Variants in LRMDA observed in about 807,000 individuals in gnomAD.
LRMDA encodes the protein leucine-rich melanocyte differentiation-associated protein.
A neutral mutation model predicts 29.8 loss-of-function variants in LRMDA; 18 were observed. The observed-to-expected ratio is 0.60, with a 90% CI of 0.42 to 0.90. The LOEUF (loss-of-function observed/expected upper bound fraction) is 0.90, where lower values mean the gene tolerates loss of function less well. Among genes scored for constraint, LRMDA ranks in the 40% least tolerant of loss-of-function variants. The pLI, the probability that LRMDA is intolerant of heterozygous loss-of-function variation, is 0.00. For synonymous variants in LRMDA, 125 were observed against 109.4 expected (o/e 1.14, Z -0.89); for missense variants, 273 against 273.9 (o/e 1.00, Z 0.02).
intron 2 of LRMDA, among the ~76,000 whole-genome samples, chr10:75,771,690 CT>C (rs1843243179): frequency 6.6e-6 from 1 of 151,984 alleles, no homozygotes; most frequent in Non-Finnish European, 1.5e-5. Context: ...CTTGGATGGC[CT>C]TCTGTTTCTG....
At chr10:76,081,079 T>G (rs1344153765) in intron 5 of LRMDA, among the ~76,000 whole-genome samples, 1 of 152,240 alleles carries the variant, frequency 6.6e-6, no homozygotes, top group Non-Finnish European at 1.5e-5. Flanking sequence ...ATATCTGGAA[T>G]GGCCCTGGTG....
intron 2 of LRMDA, among the ~76,000 whole-genome samples, chr10:76,005,787 G>A (rs573128392): frequency 6.6e-6 from 1 of 151,948 alleles, no homozygotes; most frequent in South Asian, 2.1e-4. Context: ...AAAATTAGCC[G>A]AGCTTGGTGG....
chr10:76,457,143 A>G (rs984405653), intron 6 of LRMDA, among the ~76,000 whole-genome samples: 19 of 152,316 alleles, frequency 1.2e-4, no homozygotes, highest in African/African-American at 4.1e-4. Context: ...GTACTTGGCA[A>G]CAGTCTCCCA....
At chr10:75,900,783 C>CA (rs1179307476) in intron 2 of LRMDA, among the ~76,000 whole-genome samples, 2 of 152,164 alleles carry the variant, frequency 1.3e-5, no homozygotes, top group African/African-American at 4.8e-5. Context: ...CCCACCCCCC[C>CA]ACCTTTCTTT....
At chr10:75,649,443 CA>C (rs1841569968) in intron 2 of LRMDA, among the ~76,000 whole-genome samples, 1 of 152,178 alleles carries the variant, frequency 6.6e-6, no homozygotes, top group African/African-American at 2.4e-5. Context: ...GTTTTTTGAA[CA>C]CAACACTTGT....
At chr10:75,536,510 T>G (rs980830895) in intron 2 of LRMDA, among the ~76,000 whole-genome samples, 1 of 152,152 alleles carries the variant, frequency 6.6e-6, no homozygotes, top group Non-Finnish European at 1.5e-5. Context: ...AGTTGAGGGC[T>G]CATCACACCT....
At chr10:75,773,927 G>A (rs1407037990) in intron 2 of LRMDA, among the ~76,000 whole-genome samples, 1 of 152,218 alleles carries the variant, frequency 6.6e-6, no homozygotes, top group African/African-American at 2.4e-5. Flanking sequence ...TGTTTCTCAT[G>A]TCCTCACTGA....
chr10:76,095,144 A>C (rs1849293892), intron 5 of LRMDA, among the ~76,000 whole-genome samples: 1 of 152,162 alleles, frequency 6.6e-6, no homozygotes, highest in South Asian at 2.1e-4. Flanking sequence ...AACCATCCCC[A>C]ACCATCCCTA....
chr10:75,713,512 T>TC lies in LRMDA; in HGVS notation c.131+275018_131+275019insC, dbSNP rs558213051. 1.5e-3 allele frequency among the ~76,000 whole-genome samples: 233 copies of TC among 152,340 alleles called. 2 individuals carry two copies. Among genetic ancestry groups the TC allele is most frequent in the African/African-American group, 5.5e-3 (227 of 41,584 alleles). ...GACCAGTTGATTCAAAGGTCTTGAATAAGAATTAGTGTTTTTAAAATTCCA... is the reference window on the plus strand; with the variant it reads ...GACCAGTTGATTCAAAGGTCTTGAATCAAGAATTAGTGTTTTTAAAATTCCA... On this transcript the variant is annotated intron_variant, in intron 2 of 6. Coordinates refer to ENST00000611255, the MANE Select transcript of LRMDA (RefSeq NM_001305581.2).
chr10:76,193,742 C>T (rs1034212824), intron 5 of LRMDA, among the ~76,000 whole-genome samples: 4 of 152,002 alleles, frequency 2.6e-5, no homozygotes, highest in African/African-American at 9.7e-5. Flanking sequence ...CTGTGATAGG[C>T]AGTGAGCTTC....
At chr10:76,156,236 C>T (rs996015093) in intron 5 of LRMDA, among the ~76,000 whole-genome samples, 3 of 152,176 alleles carry the variant, frequency 2.0e-5, no homozygotes, top group Non-Finnish European at 4.4e-5. Flanking sequence ...CAGCAACCAG[C>T]AGTCTCCAAG....
intron 5 of LRMDA, among the ~76,000 whole-genome samples, chr10:76,310,244 G>C (rs1840612907): frequency 6.6e-6 from 1 of 152,132 alleles, no homozygotes. Context: ...CGCACATTAA[G>C]CGGCATTCTC....
chr10:76,254,802 C>T (rs1328885132), intron 5 of LRMDA, among the ~76,000 whole-genome samples: 3 of 145,496 alleles, frequency 2.1e-5, no homozygotes, highest in South Asian at 2.3e-4. Flanking sequence ...TACCCACCAC[C>T]GTGAGTTTAG....
At chr10:75,686,569 A>G (rs1325538203) in intron 2 of LRMDA, among the ~76,000 whole-genome samples, 1 of 152,184 alleles carries the variant, frequency 6.6e-6, no homozygotes, top group Non-Finnish European at 1.5e-5. Flanking sequence ...TGCTCATTAA[A>G]TATTGGTTGG....
intron 6 of LRMDA, among the ~76,000 whole-genome samples, chr10:76,422,017 A>C (rs1163481764): frequency 6.6e-6 from 1 of 152,204 alleles, no homozygotes; most frequent in Non-Finnish European, 1.5e-5. Flanking sequence ...ACTGGGCTGC[A>C]GACTTGGTGA....
intron 6 of LRMDA, among the ~76,000 whole-genome samples, chr10:76,329,851 A>T (rs1416888208): frequency 6.6e-6 from 1 of 152,242 alleles, no homozygotes; most frequent in Non-Finnish European, 1.5e-5. Context: ...GTGTTTTTTT[A>T]AATTATTTAA....
Position 75,442,601 on chromosome 10 carries a change from C to T in LRMDA, c.131+4107C>T, listed in dbSNP as rs141277968. On this transcript the variant is annotated intron_variant, in intron 2 of 6. Coordinates refer to ENST00000611255, the MANE Select transcript of LRMDA (RefSeq NM_001305581.2). ...TATTTCTGGGCTCTCTATTTTATTC[C>T]GTTGGTCTATATGTCTGTTTTTATG... is the stretch of plus-strand genomic sequence containing the variant. Among the ~76,000 whole-genome samples, 373 of 152,142 alleles carry T rather than the reference C, an allele frequency of 2.5e-3. 1 individual carries two copies. The highest frequency in any genetic ancestry group is 3.5e-3 in the South Asian group (17 of 4,822).
At chr10:75,917,557 T>C (rs776153980) in intron 2 of LRMDA, among the ~76,000 whole-genome samples, 5 of 152,214 alleles carry the variant, frequency 3.3e-5, no homozygotes, top group Non-Finnish European at 7.3e-5. Flanking sequence ...CAAGGCTAAA[T>C]CCGGAATCGG....
intron 2 of LRMDA, among the ~76,000 whole-genome samples, chr10:75,503,622 A>G (rs1452301283): frequency 1.3e-5 from 2 of 152,060 alleles, no homozygotes; most frequent in Non-Finnish European, 2.9e-5. Context: ...CTTGGTTTAG[A>G]ATCAGTTTGT....
Sources: gnomAD v4.1 joint callset for allele counts (sites outside exome capture counted in the v4.1 genomes callset) on GRCh38, gnomAD v4.1.1 for gene constraint, MANE v1.5 for transcripts, NCBI Gene and HGNC (gene_info 2026-07-23, HGNC 2026-07-21) for gene names.